Variants in NCAPH observed in about 807,000 individuals in gnomAD.
NCAPH encodes condensin complex subunit 2.
Under a neutral mutation model 85.5 loss-of-function variants are expected in NCAPH, and 38 were observed. The observed-to-expected ratio is 0.44, with a 90% CI of 0.34 to 0.58. The LOEUF (loss-of-function observed/expected upper bound fraction) is 0.58, where lower values mean the gene tolerates loss of function less well. Ranked by LOEUF, NCAPH falls within the 20% of genes least tolerant of loss-of-function variation. The probability of loss-of-function intolerance (pLI) is 0.01; values close to 1 mark genes in which losing one functional copy is unlikely to be tolerated. For synonymous variants in NCAPH, 301 were observed against 335.1 expected, an observed-to-expected ratio of 0.90 and a Z score of 1.11; for missense variants, 789 against 916.6, an observed-to-expected ratio of 0.86 and a Z score of 1.80.
intron 3 of NCAPH, among the ~76,000 whole-genome samples, chr2:96,342,353 G>A (rs111856019): frequency 5.9e-5 from 9 of 152,202 alleles, no homozygotes; most frequent in African/African-American, 1.2e-4. Context: ...GCAGCATGGC[G>A]CATGAGTTAA....
chr2:96,341,768 C>G lies in NCAPH; in HGVS notation c.146C>G (p.Thr49Ser), dbSNP rs766680864. The change falls in exon 2 of 18, where the codon ACC becomes AGC. Residue 49 changes from threonine (T) to serine (S), a missense_variant. Thr to Ser is a moderately conservative substitution (Grantham distance 58). Transcript: ENST00000240423. ...AAGGCGCCTCTCAATATTCCTGGCA[C>G]CCCAGTCCTCGAAGACTTTCCTCAG... ...PRKAPLNIPG[T>S]PVLEDFPQND... 1.5e-5 allele frequency: 25 copies of G among 1,614,048 alleles called. No homozygotes were observed. Among genetic ancestry groups the G allele is most frequent in the Non-Finnish European group, 2.1e-5 (25 of 1,180,040 alleles).
chr2:96,363,466 T>C (rs2064654267), intron 12 of NCAPH, among the ~76,000 whole-genome samples: 1 of 152,202 alleles, frequency 6.6e-6, no homozygotes, highest in Admixed American at 6.5e-5. Context: ...TAGTAGTAGT[T>C]TTGGATTTGT....
intron 6 of NCAPH, among the ~76,000 whole-genome samples, chr2:96,344,701 C>T (rs1000793103): frequency 1.3e-5 from 2 of 152,132 alleles, no homozygotes; most frequent in African/African-American, 4.8e-5. Context: ...TGGTCTAACT[C>T]CAGAATCCTA....
intron 4 of NCAPH, 55 bp from the exon 5 acceptor site, chr2:96,343,111 T>C: frequency 4.4e-6 from 7 of 1,601,906 alleles, no homozygotes; most frequent in Non-Finnish European, 6.0e-6. Context: ...GTTTTACCTG[T>C]TCAGAAGTTG....
rs1309538525 is a variant in NCAPH at position 96,374,216 on chromosome 2, G to GGT, written c.*867_*868dup. Among the ~76,000 whole-genome samples, 1 of 152,192 alleles carries GGT rather than the reference G, an allele frequency of 6.6e-6. No homozygotes were observed. The highest frequency in any genetic ancestry group is 1.5e-5 in the Non-Finnish European group (1 of 68,030). ...AAAGGGCAGCCGGCAAACTGTCAGG[G>GGT]GTGGCCTGAGCCTGGCAATCTGCCT... On this transcript the variant is annotated 3_prime_UTR_variant, in exon 18 of 18. Coordinates refer to ENST00000240423, the MANE Select transcript of NCAPH (RefSeq NM_015341.5).
chr2:96,339,058 G>A (rs538547761), intron 1 of NCAPH, among the ~76,000 whole-genome samples: 51 of 152,146 alleles, frequency 3.4e-4, no homozygotes, highest in Non-Finnish European at 6.5e-4. Flanking sequence ...TGATCTGCTC[G>A]CCTCGGCCTC....
Position 96,367,283 on chromosome 2 carries a change from C to T in NCAPH, c.1908C>T (p.Ala636=), listed in dbSNP as rs1351111022. The part of the protein sequence containing the change: ...QKVNKIEIHY[A]KTAKKMDMKK... ...TAAATAAAATTGAAATTCACTATGC[C>T]AAGACTGCCAAAAAGATGGACATGA... Residue 636 remains alanine (A), a synonymous_variant, in exon 15 of 18, where the codon GCC becomes GCT. Transcript: ENST00000240423. 1 of 1,612,954 alleles carries T rather than the reference C, an allele frequency of 6.2e-7. No homozygotes were observed. The highest frequency in any genetic ancestry group is 8.5e-7 in the Non-Finnish European group (1 of 1,179,196).
At chr2:96,346,921 A>T (rs1173389621) in intron 6 of NCAPH, among the ~76,000 whole-genome samples, 14 of 152,134 alleles carry the variant, frequency 9.2e-5, no homozygotes, top group African/African-American at 3.1e-4. Flanking sequence ...AGTGTACTGG[A>T]TGGATCAACA....
chr2:96,335,795 C>G lies in NCAPH; in HGVS notation c.-35C>G. 1 of 1,475,160 alleles carries G rather than the reference C, an allele frequency of 6.8e-7. No homozygotes were observed. The highest frequency in any genetic ancestry group is 1.5e-5 in the African/African-American group (1 of 67,558). The allele number at this position is 1,475,160 out of a possible 1,614,324, so 91.4% of individuals were successfully genotyped here. Reference sequence around the variant, plus strand: ...CGGCGCTCAGGCGTCTCGACGCGCGCGATTTAAAACCAGCTCAGGAGACGC... The same window carrying G: ...CGGCGCTCAGGCGTCTCGACGCGCGGGATTTAAAACCAGCTCAGGAGACGC... On this transcript the variant is annotated 5_prime_UTR_variant, in exon 1 of 18. Transcript: ENST00000240423.
intron 14 of NCAPH, 83 bp from the exon 15 acceptor site, chr2:96,367,174 C>A: frequency 1.1e-6 from 1 of 943,760 alleles, no homozygotes; most frequent in South Asian, 1.4e-5. Flanking sequence ...TTTAGTTGAA[C>A]TCCAGACCTT....
Position 96,375,423 on chromosome 2 carries a change from A to G in NCAPH, c.*2072A>G, listed in dbSNP as rs572480064. The stretch of plus-strand genomic sequence containing the variant: ...GGTTATGAGGGCAGATCCCTCGTGA[A>G]TGGGATTAGTGCTCTTATAAAAGAG... On this transcript the variant is annotated 3_prime_UTR_variant, in exon 18 of 18. Coordinates refer to ENST00000240423, the MANE Select transcript of NCAPH (RefSeq NM_015341.5). Among the ~76,000 whole-genome samples the G allele has an allele frequency of 1.3e-5, 2 of 152,236 alleles. No homozygotes were observed. Among genetic ancestry groups the G allele is most frequent in the East Asian group, 3.9e-4 (2 of 5,182 alleles).
At chr2:96,348,006 G>A (rs1443057839) in intron 6 of NCAPH, among the ~76,000 whole-genome samples, 3 of 152,088 alleles carry the variant, frequency 2.0e-5, no homozygotes, top group Admixed American at 1.3e-4. Flanking sequence ...AGCATTAACC[G>A]TGGGTGATGT....
At chr2:96,351,646 C>T (rs533509983) in intron 6 of NCAPH, among the ~76,000 whole-genome samples, 185 bp from the exon 7 acceptor site, 11 of 136,286 alleles carry the variant, frequency 8.1e-5, no homozygotes, top group East Asian at 2.2e-4. Context: ...CCAGCCTGGG[C>T]GGCAGAGCAA....
At position 96,369,482 on chromosome 2, in the gene NCAPH, A is replaced by G. The variant is rs759871866; in HGVS notation, c.2148A>G (p.Leu716=). The G allele has an allele frequency of 5.0e-6, 8 of 1,613,998 alleles. No individual in the cohort carries two copies. The highest frequency in any genetic ancestry group is 1.6e-4 in the Middle Eastern group (1 of 6,062). Residue 716 remains leucine (L), a synonymous_variant, in exon 17 of 18, where the codon CTA becomes CTG. Coordinates refer to ENST00000240423, the MANE Select transcript of NCAPH (RefSeq NM_015341.5). ...LSIPLAFACL[L]HLANEKNLKL... is the part of the protein sequence containing the mutation. Reference sequence around the variant, plus strand: ...TACCTCTGGCTTTTGCCTGTCTCCTACATTTAGCCAATGAAAAGGTAGGTA... The same window carrying G: ...TACCTCTGGCTTTTGCCTGTCTCCTGCATTTAGCCAATGAAAAGGTAGGTA...
intron 9 of NCAPH, among the ~76,000 whole-genome samples, chr2:96,355,487 G>A (rs1462527739): frequency 6.6e-6 from 1 of 152,114 alleles, no homozygotes; most frequent in African/African-American, 2.4e-5. Context: ...GTCTGCCCTT[G>A]TGGGAAACGA....
intron 6 of NCAPH, among the ~76,000 whole-genome samples, chr2:96,350,184 A>G (rs2064420460): frequency 6.6e-6 from 1 of 152,216 alleles, no homozygotes. Context: ...CTTGTTTCAG[A>G]AGGTTTCATC....
Position 96,360,138 on chromosome 2 carries a change from T to A in NCAPH, c.1358-5T>A. 6.6e-7 allele frequency: 1 copy of A among 1,526,222 alleles called. No homozygotes were observed. Among genetic ancestry groups the A allele is most frequent in the African/African-American group, 1.4e-5 (1 of 72,940 alleles). The allele number at this position is 1,526,222 out of a possible 1,614,324, so 94.5% of individuals were successfully genotyped here. On this transcript the variant is annotated splice_polypyrimidine_tract_variant and splice_region_variant and intron_variant, in intron 10 of 17. Transcript: ENST00000240423. ...GAAGTGCTGACGTCTGTGTTCACTCTGCAGAAGATGCTCCTTCCCAATCAG... is the reference window on the plus strand; with the variant it reads ...GAAGTGCTGACGTCTGTGTTCACTCAGCAGAAGATGCTCCTTCCCAATCAG...
intron 9 of NCAPH, among the ~76,000 whole-genome samples, chr2:96,355,263 G>A (rs954063057): frequency 9.2e-5 from 14 of 152,138 alleles, no homozygotes; most frequent in Non-Finnish European, 1.0e-4. Flanking sequence ...GTCCTGTAAA[G>A]GTCTTCAATG....
At chr2:96,366,115 C>T in intron 14 of NCAPH, 57 bp downstream of exon 14, 3 of 1,560,588 alleles carry the variant, frequency 1.9e-6, no homozygotes, top group East Asian at 4.5e-5. Flanking sequence ...TTAATTGTCT[C>T]TTATATGAGA....
Sources: allele counts gnomAD v4.1 joint callset (sites outside exome capture counted in the v4.1 genomes callset), GRCh38; gene constraint gnomAD v4.1.1; transcripts MANE v1.5; gene names NCBI Gene and HGNC (gene_info 2026-07-23, HGNC 2026-07-21).